UFM1: variants seen among roughly 807,000 people sequenced by gnomAD.
UFM1 encodes the protein ubiquitin-fold modifier 1.
Under a neutral mutation model 15.4 loss-of-function variants are expected in UFM1, and 9 were observed. The ratio of observed to expected loss-of-function variants is 0.59; its 90% CI spans 0.35 to 1.02. The LOEUF (loss-of-function observed/expected upper bound fraction) is 1.02, where lower values mean the gene tolerates loss of function less well. Ranked by LOEUF, UFM1 falls within the 50% of genes least tolerant of loss-of-function variation. The probability of loss-of-function intolerance (pLI) is 0.02; values close to 1 mark genes in which losing one functional copy is unlikely to be tolerated. For synonymous variants in UFM1, 27 were observed against 36.3 expected (o/e 0.74, Z 0.92); for missense variants, 98 against 104.7 (o/e 0.94, Z 0.28).
intron 2 of UFM1, among the ~76,000 whole-genome samples, chr13:38,351,445 C>T (rs1008763478): frequency 3.3e-5 from 5 of 152,208 alleles, no homozygotes; most frequent in Non-Finnish European, 1.5e-5. Flanking sequence ...GCTATCAAGC[C>T]ATCAGAGGGA....
rs1204925658 is a variant in UFM1, at chr13:38,362,837, T to C, written c.*2059T>C. On this transcript the variant is annotated 3_prime_UTR_variant, in exon 6 of 6. Coordinates refer to ENST00000239878, the MANE Select transcript of UFM1 (RefSeq NM_016617.4). ...TATTTTTATTCTTTGGTTTTGAACA[T>C]TGTAAGTTCCTAAAAACATTTTATT... is the stretch of plus-strand genomic sequence containing the variant. The C allele has an allele frequency of 6.6e-6, 1 of 152,216 alleles. No homozygotes were observed. The highest frequency in any genetic ancestry group is 1.5e-5 in the Non-Finnish European group (1 of 68,046). 9.4% of individuals were successfully genotyped at this position (152,216 alleles called of 1,614,324 possible). A position where few individuals can be genotyped will look rare whatever the true frequency, so the allele number is the denominator to read the frequency against.
intron 3 of UFM1, among the ~76,000 whole-genome samples, chr13:38,355,621 C>T (rs1430128160): frequency 1.3e-5 from 2 of 151,596 alleles, no homozygotes; most frequent in South Asian, 2.1e-4. Context: ...TAAGAAACAC[C>T]ACACAACCAT....
At chr13:38,354,009 C>G (rs1287505424) in intron 2 of UFM1, among the ~76,000 whole-genome samples, 1 of 152,054 alleles carries the variant, frequency 6.6e-6, no homozygotes, top group African/African-American at 2.4e-5. Flanking sequence ...GGTTAATTCT[C>G]AAGTGGAGCT....
In UFM1 at chr13:38,358,150, A is replaced by G; in HGVS notation, c.157+18A>G. ...TACCAATGGTAAGAATTCACTATAA[A>G]ATTATGTATTACCTCAAATTTATAG... On this transcript the variant is annotated intron_variant, in intron 4 of 5. Coordinates refer to ENST00000239878, the MANE Select transcript of UFM1 (RefSeq NM_016617.4). 1 of 1,429,386 alleles carries G rather than the reference A, an allele frequency of 7.0e-7. No homozygotes were observed. Among genetic ancestry groups the G allele is most frequent in the Non-Finnish European group, 9.3e-7 (1 of 1,070,160 alleles). The allele number at this position is 1,429,386 out of a possible 1,614,324, so 88.5% of individuals were successfully genotyped here.
chr13:38,355,976 A>G (rs532402257), intron 3 of UFM1, among the ~76,000 whole-genome samples: 10 of 152,004 alleles, frequency 6.6e-5, no homozygotes, highest in Non-Finnish European at 1.0e-4. Context: ...AAACCTGCAA[A>G]GAGCCCTAAA....
intron 5 of UFM1, chr13:38,360,200 G>T: frequency 5.3e-6 from 1 of 187,662 alleles, no homozygotes; most frequent in Non-Finnish European, 1.1e-5. Context: ...GTAGACAAAG[G>T]TTTCTTTTTT....
chr13:38,356,755 A>G (rs562655941), intron 3 of UFM1, among the ~76,000 whole-genome samples: 1 of 151,400 alleles, frequency 6.6e-6, no homozygotes, highest in South Asian at 2.1e-4. Context: ...GTCAAAAAAT[A>G]CGAGAAACAC....
In UFM1 at chr13:38,354,267, A is replaced by C. The variant is rs1303528603; in HGVS notation, c.88A>C (p.Thr30Pro). 2 of 1,611,140 alleles carry C rather than the reference A, an allele frequency of 1.2e-6. No homozygotes were observed. The highest frequency in any genetic ancestry group is 3.3e-5 in the Admixed American group (2 of 59,916). Residue 30 changes from threonine to proline, a missense_variant, in exon 3 of 6, where the codon ACA becomes CCA. Coordinates refer to ENST00000239878, the MANE Select transcript of UFM1 (RefSeq NM_016617.4). ...CAGTGTTCCTGAAAGTACACCTTTC[A>C]CAGCAGTCTTAAAGTTTGCAGCAGA... is the stretch of plus-strand genomic sequence containing the variant. ...VLSVPESTPF[T>P]AVLKFAAEEF...
At position 38,359,352 on chromosome 13, in the gene UFM1, A is replaced by G. The variant is rs762528511; in HGVS notation, c.190+19A>G. Reference sequence around the variant, plus strand: ...ACTGCTGGTGAGTATTTGAAAACTCATAGAGGAGTGGGTGGGGTTATATAT... The same window carrying G: ...ACTGCTGGTGAGTATTTGAAAACTCGTAGAGGAGTGGGTGGGGTTATATAT... On this transcript the variant is annotated intron_variant, in intron 5 of 5. Transcript: ENST00000239878. 1.9e-6 allele frequency: 3 copies of G among 1,611,136 alleles called. No individual in the cohort carries two copies. In the South Asian group the frequency reaches 3.3e-5, roughly 18 times the overall value.
Position 38,360,902 on chromosome 13 carries a change from G to A in UFM1, c.*124G>A. On this transcript the variant is annotated 3_prime_UTR_variant, in exon 6 of 6. Coordinates refer to ENST00000239878, the MANE Select transcript of UFM1 (RefSeq NM_016617.4). ...ACCAGGAGTCAATGATTAATGAAAG[G>A]TGACTCATCTGTCCCTTTTTGTTGT... 1 of 744,886 alleles carries A rather than the reference G, an allele frequency of 1.3e-6. No individual in the cohort carries two copies. The highest frequency in any genetic ancestry group is 2.3e-6 in the Non-Finnish European group (1 of 444,244). The allele number at this position is 744,886 out of a possible 1,614,324, so 46.1% of individuals were successfully genotyped here.
chr13:38,362,691 C>T lies in UFM1; in HGVS notation c.*1913C>T, dbSNP rs148875844. ...AGTTAAGCAGGAATTTATGAACACC[C>T]ATTTCCTGACTTTTTGCTTTAATTT... On this transcript the variant is annotated 3_prime_UTR_variant, in exon 6 of 6. Coordinates refer to ENST00000239878, the MANE Select transcript of UFM1 (RefSeq NM_016617.4). 1.3e-5 allele frequency: 2 copies of T among 151,976 alleles called. No homozygotes were observed. Among genetic ancestry groups the T allele is most frequent in the African/African-American group, 4.8e-5 (2 of 41,414 alleles). 9.4% of individuals were successfully genotyped at this position (151,976 alleles called of 1,614,324 possible). A position where few individuals can be genotyped will look rare whatever the true frequency, so the allele number is the denominator to read the frequency against.
intron 4 of UFM1, among the ~76,000 whole-genome samples, chr13:38,358,445 C>G (rs1879223655): frequency 6.6e-6 from 1 of 150,664 alleles, no homozygotes; most frequent in African/African-American, 2.4e-5. Flanking sequence ...TTGGTAAATG[C>G]TTTAGAATAT....
chr13:38,357,441 G>A (rs200935505), intron 3 of UFM1, among the ~76,000 whole-genome samples: 10 of 151,744 alleles, frequency 6.6e-5, no homozygotes, highest in East Asian at 1.9e-4. Flanking sequence ...TTTTTGTAAT[G>A]TATAATATAA....
chr13:38,358,057 G>A (rs2150470), intron 3 of UFM1, 36 bp from the exon 4 acceptor site: 249,453 of 513,880 alleles, frequency 0.49, 42,946 homozygotes, highest in Admixed American at 0.63. Flanking sequence ...GTGTGTGTGT[G>A]TATATATATA....
rs1158092141 is a variant in UFM1, at chr13:38,360,925, T to C, written c.*147T>C. 2.1e-5 allele frequency: 13 copies of C among 613,988 alleles called. No individual in the cohort carries two copies. The highest frequency in any genetic ancestry group is 5.7e-5 in the Admixed American group (2 of 35,238). The allele number at this position is 613,988 out of a possible 1,614,324, so 38.0% of individuals were successfully genotyped here. On this transcript the variant is annotated 3_prime_UTR_variant, in exon 6 of 6. Transcript: ENST00000239878. ...AGGTGACTCATCTGTCCCTTTTTGT[T>C]GTCCATACTCTTCCTATGAAGAGGG...
intron 2 of UFM1, among the ~76,000 whole-genome samples, chr13:38,353,950 A>G (rs1257597037): frequency 1.3e-5 from 2 of 152,154 alleles, no homozygotes; most frequent in East Asian, 3.8e-4. Flanking sequence ...TTCATATGCT[A>G]GACTTACATG....
At chr13:38,353,324 A>G (rs1179992889) in intron 2 of UFM1, among the ~76,000 whole-genome samples, 4 of 152,066 alleles carry the variant, frequency 2.6e-5, no homozygotes, top group African/African-American at 9.7e-5. Flanking sequence ...TTTCAGTGAG[A>G]AATGTTAGCT....
In UFM1 at chr13:38,360,721, T is replaced by C. The variant is rs751806532; in HGVS notation, c.201T>C (p.Phe67=). The part of the protein sequence containing the change: ...INPAQTAGNV[F]LKHGSELRII... ...TGTTTGTTTGTATAGGAAATGTTTT[T>C]CTAAAACATGGTTCAGAACTGCGGA... Residue 67 remains phenylalanine (F), a synonymous_variant, in exon 6 of 6, where the codon TTT becomes TTC. Transcript: ENST00000239878. 1 of 1,604,812 alleles carries C rather than the reference T, an allele frequency of 6.2e-7. No individual in the cohort carries two copies.
At chr13:38,352,120 G>A (rs1201286542) in intron 2 of UFM1, among the ~76,000 whole-genome samples, 2 of 24,384 alleles carry the variant, frequency 8.2e-5, no homozygotes, top group Admixed American at 7.6e-4. Flanking sequence ...TTTTTTTTTT[G>A]TGAAACAAAG....
Sources: allele counts gnomAD v4.1 joint callset (sites outside exome capture counted in the v4.1 genomes callset), GRCh38; gene constraint gnomAD v4.1.1; transcripts MANE v1.5; gene names NCBI Gene and HGNC (gene_info 2026-07-23, HGNC 2026-07-21).